ATF7IP: variants seen among roughly 807,000 people sequenced by gnomAD.
ATF7IP encodes activating transcription factor 7 interacting protein, also known as activating transcription factor 7-interacting protein 1.
Under a neutral mutation model 106.4 loss-of-function variants are expected in ATF7IP, and 23 were observed. That is an observed-to-expected ratio of 0.22 (90% CI 0.16 to 0.31). The LOEUF is 0.31. Ranked by LOEUF, ATF7IP falls within the 10% of genes least tolerant of loss-of-function variation. The pLI, the probability that ATF7IP is intolerant of heterozygous loss-of-function variation, is 1.00. For synonymous variants in ATF7IP, 542 were observed against 539.0 expected, an observed-to-expected ratio of 1.01 and a Z score of -0.08; for missense variants, 1,334 against 1,524.3, an observed-to-expected ratio of 0.88 and a Z score of 2.08.
intron 1 of ATF7IP, among the ~76,000 whole-genome samples, chr12:14,398,363 A>G (rs980508844): frequency 2.7e-5 from 4 of 148,776 alleles, no homozygotes; most frequent in African/African-American, 9.8e-5. Flanking sequence ...GTATTTTATC[A>G]CTGATTTCCT....
chr12:14,496,256 A>C lies in ATF7IP; in HGVS notation c.3306A>C (p.Thr1102=), dbSNP rs1945009407. ...GTGTTACAGTTCGAGTGCCTCAAAC[A>C]ACCACATATGTTGTAAACAATGGAC... ...QNSVTVRVPQ[T]TTYVVNNGLT... The change falls in exon 14 of 15, where the codon ACA becomes ACC. Residue 1102 remains threonine (T), a synonymous_variant. Transcript: ENST00000261168. 16 of 1,613,624 alleles carry C rather than the reference A, an allele frequency of 9.9e-6. No homozygotes were observed. Among genetic ancestry groups the C allele is most frequent in the Non-Finnish European group, 1.4e-5 (16 of 1,179,756 alleles).
chr12:14,461,000 T>G lies in ATF7IP; in HGVS notation c.2664T>G (p.Ser888=). 1 of 1,614,186 alleles carries G rather than the reference T, an allele frequency of 6.2e-7. No individual in the cohort carries two copies. The highest frequency in any genetic ancestry group is 1.1e-5 in the South Asian group (1 of 91,086). ...AHSIVQATRT[S]LPTVGPSGLY... ...CTATTGTACAAGCCACAAGGACTTC[T>G]TTACCCACAGTGGGCCCATCAGGAC... is the stretch of plus-strand genomic sequence containing the variant. The change falls in exon 9 of 15, where the codon TCT becomes TCG. Residue 888 remains serine, a synonymous_variant. Coordinates refer to ENST00000261168, the MANE Select transcript of ATF7IP (RefSeq NM_018179.5).
chr12:14,406,095 A>T (rs553693756), intron 1 of ATF7IP, among the ~76,000 whole-genome samples: 10 of 152,194 alleles, frequency 6.6e-5, no homozygotes, highest in Non-Finnish European at 5.9e-5. Context: ...TCTCACTTGT[A>T]TTGCTTTGTT....
At position 14,478,337 on chromosome 12, in the gene ATF7IP, A is replaced by G. The variant is rs765982448; in HGVS notation, c.2962A>G (p.Thr988Ala). Reference protein sequence around the residue: ...ASQDPKKLNHTPVSTMSSSQP... With the variant: ...ASQDPKKLNHAPVSTMSSSQP... ...AACAGACCCCAAAAAACTAAATCAC[A>G]CTCCTGTATCAACCATGAGTTCTTC... The change falls in exon 12 of 15, where the codon ACT (threonine) becomes GCT (alanine). Residue 988 changes from threonine (T) to alanine (A), a missense_variant. This residue lies in a region of ATF7IP where 370 missense variants were observed against 401.2 expected (regional missense o/e 0.92). Transcript: ENST00000261168. The G allele has an allele frequency of 1.7e-5, 27 of 1,613,444 alleles. No homozygotes were observed. In the South Asian group the frequency reaches 2.0e-4, roughly 12 times the overall value.
At chr12:14,446,908 TTATA>T in intron 5 of ATF7IP, 76 bp from the exon 6 acceptor site, 1 of 1,097,218 alleles carries the variant, frequency 9.1e-7, no homozygotes, top group Non-Finnish European at 1.3e-6. Context: ...AGGTTTCTTT[TTATA>T]TATTCATGGT....
intron 13 of ATF7IP, among the ~76,000 whole-genome samples, chr12:14,491,581 G>T (rs1422090506): frequency 6.6e-6 from 1 of 152,220 alleles, no homozygotes; most frequent in African/African-American, 2.4e-5. Flanking sequence ...AGCAAAAAGT[G>T]ATCAAGGTCT....
At chr12:14,488,904 C>T (rs1325850480) in intron 13 of ATF7IP, among the ~76,000 whole-genome samples, 2 of 152,190 alleles carry the variant, frequency 1.3e-5, no homozygotes, top group Admixed American at 6.5e-5. Flanking sequence ...TGTACAAGTG[C>T]ATACATGCAC....
intron 10 of ATF7IP, among the ~76,000 whole-genome samples, chr12:14,473,646 G>A (rs1433814682): frequency 1.3e-5 from 2 of 151,848 alleles, no homozygotes; most frequent in African/African-American, 4.8e-5. Context: ...ATCCAAGTTG[G>A]TATTTCCTTT....
chr12:14,481,607 G>T, intron 13 of ATF7IP: 1 of 442,448 alleles, frequency 2.3e-6, no homozygotes, highest in Non-Finnish European at 4.5e-6. Flanking sequence ...TCTTCCCTTA[G>T]GAGAGTTAAA....
intron 1 of ATF7IP, among the ~76,000 whole-genome samples, chr12:14,383,840 G>A (rs972580917): frequency 2.6e-5 from 4 of 152,198 alleles, no homozygotes; most frequent in African/African-American, 9.6e-5. Flanking sequence ...GGGATTATAG[G>A]TGTGAAGCAC....
chr12:14,392,531 C>T (rs1010326196), intron 1 of ATF7IP, among the ~76,000 whole-genome samples: 2 of 152,180 alleles, frequency 1.3e-5, no homozygotes, highest in East Asian at 3.9e-4. Flanking sequence ...TTATTATGCA[C>T]CTATTATTTG....
intron 6 of ATF7IP, among the ~76,000 whole-genome samples, chr12:14,447,521 T>G (rs1180924907): frequency 6.6e-6 from 1 of 151,830 alleles, no homozygotes; most frequent in Admixed American, 6.6e-5. Flanking sequence ...ACATCAGGAG[T>G]CCATCTACCT....
At chr12:14,413,031 T>G (rs1220372312) in intron 1 of ATF7IP, among the ~76,000 whole-genome samples, 1 of 152,006 alleles carries the variant, frequency 6.6e-6, no homozygotes, top group Non-Finnish European at 1.5e-5. Context: ...AAACAAAAAG[T>G]TGTTTGACTT....
chr12:14,488,232 G>C (rs1944691151), intron 13 of ATF7IP, among the ~76,000 whole-genome samples: 1 of 151,772 alleles, frequency 6.6e-6, no homozygotes, highest in Non-Finnish European at 1.5e-5. Context: ...TAAATTTGTA[G>C]ATATAGTATA....
chr12:14,411,163 T>A (rs944428391), intron 1 of ATF7IP, among the ~76,000 whole-genome samples: 11 of 152,218 alleles, frequency 7.2e-5, no homozygotes, highest in African/African-American at 2.7e-4. Flanking sequence ...AATTGCTGGA[T>A]CATATGGCAA....
At position 14,460,889 on chromosome 12, in the gene ATF7IP, C is replaced by T. The variant is rs1211992416; in HGVS notation, c.2553C>T (p.Pro851=). Residue 851 remains proline (P), a synonymous_variant, in exon 9 of 15, where the codon CCC becomes CCT. Transcript: ENST00000261168. ...PTKPNNVPSV[P]SPSIQRNPTA... is the part of the protein sequence containing the mutation. ...AACCAAACAACGTTCCTTCTGTGCC[C>T]AGTCCTAGTATTCAAAGGAACCCTA... 1 of 1,614,068 alleles carries T rather than the reference C, an allele frequency of 6.2e-7. No individual in the cohort carries two copies. Among genetic ancestry groups the T allele is most frequent in the Non-Finnish European group, 8.5e-7 (1 of 1,180,042 alleles).
At chr12:14,422,252 A>T (rs1941558156) in intron 1 of ATF7IP, among the ~76,000 whole-genome samples, 1 of 151,958 alleles carries the variant, frequency 6.6e-6, no homozygotes. Context: ...GTAAAGGTTC[A>T]TACTTTAATA....
Position 14,429,183 on chromosome 12 carries a change from A to T in ATF7IP, c.1558+3710A>T, listed in dbSNP as rs185031362. Among the ~76,000 whole-genome samples the T allele has an allele frequency of 4.7e-4, 72 of 152,060 alleles. No individual in the cohort carries two copies. The East Asian group carries it at 0.011, about 23-fold the overall frequency. On this transcript the variant is annotated intron_variant, in intron 2 of 14. Transcript: ENST00000261168. ...TGCCTTGGTAGCTGCCGCCCTCCTA[A>T]TTTTTCTCAGTGAAATGACATTGAT...
At chr12:14,488,746 A>G (rs751074780) in intron 13 of ATF7IP, among the ~76,000 whole-genome samples, 2 of 152,196 alleles carry the variant, frequency 1.3e-5, no homozygotes, top group South Asian at 2.1e-4. Flanking sequence ...TATGCCTAAC[A>G]TAATACAATT....
Sources: gnomAD v4.1 joint callset for allele counts (sites outside exome capture counted in the v4.1 genomes callset) on GRCh38, gnomAD v4.1.1 for gene constraint, gnomAD v4.1.1 regional missense constraint, MANE v1.5 for transcripts, NCBI Gene and HGNC (gene_info 2026-07-23, HGNC 2026-07-21) for gene names.